NRXN3: variants seen among roughly 807,000 people sequenced by gnomAD.
NRXN3 encodes the protein neurexin 3.
NRXN3 carries 32 observed loss-of-function variants against 137.6 expected under a neutral mutation model. The observed-to-expected ratio is 0.23, with a 90% confidence interval of 0.18 to 0.31. The LOEUF (loss-of-function observed/expected upper bound fraction) is 0.31, where lower values mean the gene tolerates loss of function less well. Among genes scored for constraint, NRXN3 ranks in the 10% least tolerant of loss-of-function variants. The pLI is 1.00. For synonymous variants in NRXN3, 798 were observed against 784.5 expected, an observed-to-expected ratio of 1.02 and a Z score of -0.29; for missense variants, 1,574 against 2,062.5, an observed-to-expected ratio of 0.76 and a Z score of 4.59.
At chr14:79,698,122 T>C (rs1173963362) in intron 19 of NRXN3, among the ~76,000 whole-genome samples, 185 bp downstream of exon 19, 1 of 151,992 alleles carries the variant, frequency 6.6e-6, no homozygotes, top group Non-Finnish European at 1.5e-5. Context: ...GTCATAAAAG[T>C]CTGTGGCACT....
intron 10 of NRXN3, among the ~76,000 whole-genome samples, chr14:78,823,672 G>A (rs919070444): frequency 2.0e-5 from 3 of 152,220 alleles, no homozygotes; most frequent in Non-Finnish European, 4.4e-5. Flanking sequence ...AAAGCTGAGA[G>A]CAAGCACATT....
At chr14:79,592,239 C>CT (rs1250516440) in intron 16 of NRXN3, among the ~76,000 whole-genome samples, 1 of 152,142 alleles carries the variant, frequency 6.6e-6, no homozygotes, top group African/African-American at 2.4e-5. Context: ...CAGCGGATTG[C>CT]TTTTTAATAA....
rs766427450 is a variant in NRXN3, at chr14:79,149,082, C to T, written c.3262+160941C>T. Reference sequence around the variant, plus strand: ...AAACCTCACATGAGTATTTTATGCACTACCATTTTACAAGTGTTTCAGTAA... The same window carrying T: ...AAACCTCACATGAGTATTTTATGCATTACCATTTTACAAGTGTTTCAGTAA... On this transcript the variant is annotated intron_variant, in intron 15 of 20. Coordinates refer to ENST00000335750, the MANE Select transcript of NRXN3 (RefSeq NM_001330195.2). Among the ~76,000 whole-genome samples, 37 of 152,090 alleles carry T rather than the reference C, an allele frequency of 2.4e-4. 1 individual carries two copies. Among genetic ancestry groups the T allele is most frequent in the Admixed American group, 4.6e-4 (7 of 15,254 alleles).
At chr14:79,269,036 T>A (rs2078888585) in intron 15 of NRXN3, among the ~76,000 whole-genome samples, 1 of 128,014 alleles carries the variant, frequency 7.8e-6, no homozygotes, top group Non-Finnish European at 1.7e-5. Flanking sequence ...ACTAAATTTT[T>A]ATTTTTCTTA....
chr14:79,698,002 C>CA, intron 19 of NRXN3, 65 bp downstream of exon 19: 1 of 1,423,284 alleles, frequency 7.0e-7, no homozygotes, highest in Admixed American at 1.8e-5. Context: ...TTATCATGGT[C>CA]ATTGCTTTAT....
Position 78,458,386 on chromosome 14 carries a change from C to G in NRXN3, c.757+160526C>G, listed in dbSNP as rs531069465. On this transcript the variant is annotated intron_variant, in intron 4 of 20. Transcript: ENST00000335750. Reference sequence around the variant, plus strand: ...CTTGAAAAATGTGGAATGTGTGTACCACCACTCTCCAAATCTATGCCCAAG... The same window carrying G: ...CTTGAAAAATGTGGAATGTGTGTACGACCACTCTCCAAATCTATGCCCAAG... Among the ~76,000 whole-genome samples, 76 of 152,230 alleles carry G rather than the reference C, an allele frequency of 5.0e-4. 3 individuals carry two copies. The South Asian group carries it at 0.016, about 31-fold the overall frequency.
At chr14:79,671,027 C>T (rs2098604732) in intron 17 of NRXN3, among the ~76,000 whole-genome samples, 1 of 152,108 alleles carries the variant, frequency 6.6e-6, no homozygotes, top group African/African-American at 2.4e-5. Context: ...CAGATGGTGC[C>T]ATTCACCGTC....
intron 16 of NRXN3, among the ~76,000 whole-genome samples, chr14:79,526,729 G>C (rs74070276): frequency 0.027 from 4,158 of 152,156 alleles, 198 homozygotes; most frequent in African/African-American, 0.095. Flanking sequence ...AATAAACAAG[G>C]AAATAAGTGT....
intron 8 of NRXN3, among the ~76,000 whole-genome samples, chr14:78,762,442 C>A (rs549801538): frequency 6.6e-6 from 1 of 152,108 alleles, no homozygotes; most frequent in African/African-American, 2.4e-5. Context: ...CAGAAAGCTA[C>A]GCAATCTCTT....
intron 3 of NRXN3, among the ~76,000 whole-genome samples, chr14:78,294,603 C>A (rs956915580): frequency 6.8e-6 from 1 of 147,188 alleles, no homozygotes; most frequent in Admixed American, 6.8e-5. Flanking sequence ...TGTGTAGGCA[C>A]AAATTTGTAT....
intron 8 of NRXN3, among the ~76,000 whole-genome samples, chr14:78,748,648 C>A (rs191895392): frequency 1.3e-5 from 2 of 152,062 alleles, no homozygotes; most frequent in East Asian, 3.9e-4. Context: ...ACAGAGATAG[C>A]GATAAGTGAA....
At chr14:79,379,315 G>C (rs959516566) in intron 15 of NRXN3, among the ~76,000 whole-genome samples, 1 of 152,152 alleles carries the variant, frequency 6.6e-6, no homozygotes, top group Non-Finnish European at 1.5e-5. Flanking sequence ...AAGACAAATG[G>C]TGGGATGAGT....
intron 10 of NRXN3, among the ~76,000 whole-genome samples, chr14:78,954,877 A>T (rs8007461): frequency 0.22 from 32,813 of 151,492 alleles, 4,604 homozygotes; most frequent in East Asian, 0.46. Flanking sequence ...ACCACTGTGA[A>T]TATCTCAAGG....
chr14:79,129,368 G>A (rs1324678888), intron 15 of NRXN3, among the ~76,000 whole-genome samples: 3 of 149,962 alleles, frequency 2.0e-5, no homozygotes, highest in Admixed American at 1.3e-4. Context: ...AGAGATTCTG[G>A]TATGTTGTGT....
At chr14:79,058,555 C>A (rs2099669227) in intron 15 of NRXN3, among the ~76,000 whole-genome samples, 1 of 152,026 alleles carries the variant, frequency 6.6e-6, no homozygotes, top group Admixed American at 6.6e-5. Flanking sequence ...CCTGAGTGAA[C>A]TTTGAGGTTC....
At chr14:78,283,597 C>A (rs2074731650) in intron 3 of NRXN3, among the ~76,000 whole-genome samples, 1 of 152,048 alleles carries the variant, frequency 6.6e-6, no homozygotes, top group African/African-American at 2.4e-5. Context: ...CAACCTCTGC[C>A]TCCCGGGTTC....
At chr14:78,348,798 C>A (rs1484997515) in intron 4 of NRXN3, among the ~76,000 whole-genome samples, 1 of 152,120 alleles carries the variant, frequency 6.6e-6, no homozygotes, top group Non-Finnish European at 1.5e-5. Context: ...AGCACCACGA[C>A]TTTAGGGGTT....
intron 20 of NRXN3, among the ~76,000 whole-genome samples, chr14:79,811,586 T>C (rs1292713953): frequency 7.2e-6 from 1 of 139,038 alleles, no homozygotes; most frequent in African/African-American, 2.9e-5. Flanking sequence ...TTTTTCTTTT[T>C]TTTTTTTTTT....
chr14:79,624,623 A>T (rs2098261784), intron 16 of NRXN3, among the ~76,000 whole-genome samples: 1 of 149,694 alleles, frequency 6.7e-6, no homozygotes, highest in Non-Finnish European at 1.5e-5. Context: ...GTCTCTAGAT[A>T]TTCGTTCTAC....
Sources: gnomAD v4.1 joint callset for allele counts (sites outside exome capture counted in the v4.1 genomes callset) on GRCh38, gnomAD v4.1.1 for gene constraint, MANE v1.5 for transcripts, NCBI Gene and HGNC (gene_info 2026-07-23, HGNC 2026-07-21) for gene names.